The following CENPL variants were observed in gnomAD, a reference collection of about 807,000 sequenced individuals.
The protein encoded by CENPL is interphase centromere complex protein 33.
A neutral mutation model predicts 35.2 loss-of-function variants in CENPL; 20 were observed. The observed-to-expected ratio is 0.57, with a 90% CI of 0.40 to 0.83. The LOEUF (loss-of-function observed/expected upper bound fraction) is 0.83, where lower values mean the gene tolerates loss of function less well. CENPL is among the 40% of genes least tolerant of loss of function. The probability of loss-of-function intolerance (pLI) is 0.00; values close to 1 mark genes in which losing one functional copy is unlikely to be tolerated. For missense variants in CENPL, 363 were observed against 395.8 expected (o/e 0.92, Z 0.70); for synonymous variants, 140 against 140.6 (o/e 1.00, Z 0.03).
chr1:173,800,402 T>C lies in CENPL; in HGVS notation c.*46A>G, dbSNP rs1649634711. On this transcript the variant is annotated 3_prime_UTR_variant, in exon 6 of 6. Coordinates refer to ENST00000682279, the MANE Select transcript of CENPL (RefSeq NM_001387287.1). ...CTTTCAGCATAGCAATTAGGCAAGT[T>C]ATCAATAAGAGTATATAATCTATAA... 4.0e-6 allele frequency: 3 copies of C among 745,956 alleles called. No homozygotes were observed. Among genetic ancestry groups the C allele is most frequent in the Non-Finnish European group, 7.0e-6 (3 of 427,494 alleles). 46.2% of individuals were successfully genotyped at this position (745,956 alleles called of 1,614,324 possible). A position where few individuals can be genotyped will look rare whatever the true frequency, so the allele number is the denominator to read the frequency against.
Position 173,800,371 on chromosome 1 carries a change from C to T in CENPL, c.*77G>A. 1 of 639,626 alleles carries T rather than the reference C, an allele frequency of 1.6e-6. No homozygotes were observed. The highest frequency in any genetic ancestry group is 2.9e-6 in the Non-Finnish European group (1 of 350,452). The allele number at this position is 639,626 out of a possible 1,614,324, so 39.6% of individuals were successfully genotyped here. A position where few individuals can be genotyped will look rare whatever the true frequency, so the allele number is the denominator to read the frequency against. On this transcript the variant is annotated 3_prime_UTR_variant, in exon 6 of 6. Transcript: ENST00000682279. ...CAGAGATAGATGCCTATTTCTCCTG[C>T]AGTCTCTTTCAGCATAGCAATTAGG...
rs1372374026 is a variant in CENPL, at chr1:173,813,437, T to A, written c.-7-2131A>T. Among the ~76,000 whole-genome samples, 6 of 152,264 alleles carry A rather than the reference T, an allele frequency of 3.9e-5. No individual in the cohort carries two copies. In the East Asian group the frequency reaches 1.2e-3, roughly 29 times the overall value. On this transcript the variant is annotated intron_variant, in intron 2 of 5. Transcript: ENST00000682279. ...GGGCAGCCAGAGAGAAAGGTCGGGT[T>A]ACCCACAAAGGGAAGCCCATCAGGC...
intron 3 of CENPL, among the ~76,000 whole-genome samples, chr1:173,809,221 T>C (rs1426417223): frequency 1.3e-5 from 2 of 152,008 alleles, no homozygotes; most frequent in African/African-American, 4.8e-5. Flanking sequence ...CGGGCACCTG[T>C]AGTGCCAGCT....
At chr1:173,814,559 T>C (rs1345311311) in intron 2 of CENPL, among the ~76,000 whole-genome samples, 2 of 152,180 alleles carry the variant, frequency 1.3e-5, no homozygotes, top group Non-Finnish European at 2.9e-5. Flanking sequence ...ACATGGAAAC[T>C]GAACAACCTG....
chr1:173,816,082 A>G (rs1449840251), intron 2 of CENPL, among the ~76,000 whole-genome samples: 2 of 152,232 alleles, frequency 1.3e-5, no homozygotes, highest in Non-Finnish European at 2.9e-5. Context: ...TCCCACTCAC[A>G]ATTGCTACAA....
intron 2 of CENPL, among the ~76,000 whole-genome samples, chr1:173,816,248 G>A (rs1194492346): frequency 6.6e-6 from 1 of 152,102 alleles, no homozygotes; most frequent in Non-Finnish European, 1.5e-5. Context: ...CGTGAAAATG[G>A]CCATACTGCC....
intron 2 of CENPL, among the ~76,000 whole-genome samples, chr1:173,811,926 A>G (rs953918774): frequency 3.3e-5 from 5 of 152,366 alleles, no homozygotes; most frequent in African/African-American, 1.2e-4. Flanking sequence ...GGAAGCCATG[A>G]CAGACTGTAC....
chr1:173,824,163 C>G (rs1652305805), intron 1 of CENPL, 49 bp downstream of exon 1: 1 of 152,292 alleles, frequency 6.6e-6, no homozygotes, highest in South Asian at 2.1e-4. Context: ...CTCCCTCAGA[C>G]GCGGGGCGGG....
In CENPL at chr1:173,803,343, T is replaced by C. The variant is rs755437217; in HGVS notation, c.583A>G (p.Ile195Val). 9 of 1,614,104 alleles carry C rather than the reference T, an allele frequency of 5.6e-6. No homozygotes were observed. The highest frequency in any genetic ancestry group is 1.3e-5 in the African/African-American group (1 of 75,054). Residue 195 changes from isoleucine to valine, a missense_variant, in exon 5 of 6, where the codon ATA (isoleucine) becomes GTA (valine). Transcript: ENST00000682279. Reference protein sequence around the residue: ...LANGAESNTAIIGTWFQKTFD... With the variant: ...LANGAESNTAVIGTWFQKTFD... ...GTTTTCTGAAACCAAGTTCCAATTA[T>C]TGCTGTGTTAGACTCTGCTCCATTT...
intron 2 of CENPL, 103 bp from the exon 3 acceptor site, chr1:173,811,409 T>C (rs748728967): frequency 2.6e-6 from 2 of 781,018 alleles, no homozygotes; most frequent in Non-Finnish European, 4.0e-6. Context: ...TCTCTTTCTG[T>C]CTTTTCCCCT....
intron 2 of CENPL, among the ~76,000 whole-genome samples, chr1:173,814,984 T>TA (rs1651216301): frequency 1.3e-5 from 2 of 151,994 alleles, no homozygotes; most frequent in East Asian, 3.9e-4. Flanking sequence ...ATAGATGCAA[T>TA]AAAAAATGCT....
intron 5 of CENPL, among the ~76,000 whole-genome samples, chr1:173,801,803 G>A (rs1649774895): frequency 6.6e-6 from 1 of 152,100 alleles, no homozygotes; most frequent in South Asian, 2.1e-4. Context: ...CTGGGTGACA[G>A]AGTAAGACTC....
intron 2 of CENPL, among the ~76,000 whole-genome samples, chr1:173,814,402 A>T (rs1651154739): frequency 6.6e-6 from 1 of 152,116 alleles, no homozygotes; most frequent in East Asian, 1.9e-4. Flanking sequence ...ACCACATCCC[A>T]CTTATTCTAA....
chr1:173,800,500 A>G lies in CENPL; in HGVS notation c.983T>C (p.Leu328Pro). ...GKIKILCHKYLIGVLAYLTEL... is the reference protein window; with the variant it reads ...GKIKILCHKYPIGVLAYLTEL... The stretch of plus-strand genomic sequence containing the variant: ...TGTCAAATATGCTAACACTCCAATA[A>G]GGTATTTATGACACAGAATCTGCAA... Residue 328 changes from leucine to proline, a missense_variant, in exon 6 of 6, where the codon CTT becomes CCT. By Grantham distance (98) the Leu-to-Pro change is moderately conservative. Transcript: ENST00000682279. 2 of 1,479,094 alleles carry G rather than the reference A, an allele frequency of 1.4e-6. No homozygotes were observed. The highest frequency in any genetic ancestry group is 1.9e-6 in the Non-Finnish European group (2 of 1,060,438). 91.6% of individuals were successfully genotyped at this position (1,479,094 alleles called of 1,614,324 possible). A position where few individuals can be genotyped will look rare whatever the true frequency, so the allele number is the denominator to read the frequency against.
At chr1:173,802,388 A>G (rs1437210010) in intron 5 of CENPL, among the ~76,000 whole-genome samples, 1 of 151,854 alleles carries the variant, frequency 6.6e-6, no homozygotes, top group African/African-American at 2.4e-5. Context: ...TTGTATTTTT[A>G]GTGGAGACGG....
intron 2 of CENPL, 104 bp downstream of exon 2, chr1:173,823,822 G>C (rs1163613475): frequency 6.6e-6 from 1 of 152,182 alleles, no homozygotes; most frequent in Non-Finnish European, 1.5e-5. Context: ...TAAGCACGTA[G>C]TGTTTAAACA....
Position 173,800,422 on chromosome 1 carries a change from C to G in CENPL, c.*26G>C, listed in dbSNP as rs1417747372. ...CAAGTTATCAATAAGAGTATATAAT[C>G]TATAACTTATAGTCCACATAAGGCT... On this transcript the variant is annotated 3_prime_UTR_variant, in exon 6 of 6. Transcript: ENST00000682279. The G allele has an allele frequency of 1.0e-6, 1 of 955,368 alleles. No homozygotes were observed. Among genetic ancestry groups the G allele is most frequent in the Admixed American group, 1.9e-5 (1 of 51,468 alleles). The allele number at this position is 955,368 out of a possible 1,614,324, so 59.2% of individuals were successfully genotyped here. A position where few individuals can be genotyped will look rare whatever the true frequency, so the allele number is the denominator to read the frequency against.
Sources: allele counts gnomAD v4.1 joint callset (sites outside exome capture counted in the v4.1 genomes callset), GRCh38; gene constraint gnomAD v4.1.1; transcripts MANE v1.5; gene names NCBI Gene and HGNC (gene_info 2026-07-23, HGNC 2026-07-21).